CPA5: variants seen among roughly 807,000 people sequenced by gnomAD.
The protein encoded by CPA5 is carboxypeptidase A5, also known as testicular tissue protein Li 32.
CPA5 carries 38 observed loss-of-function variants against 52.2 expected under a neutral mutation model. That is an observed-to-expected ratio of 0.73 (90% CI 0.56 to 0.95). CPA5 has a LOEUF of 0.95. CPA5 is among the 40% of genes least tolerant of loss of function. The pLI, the probability that CPA5 is intolerant of heterozygous loss-of-function variation, is 0.00. For missense variants in CPA5, 519 were observed against 566.7 expected (o/e 0.92, Z 0.86); for synonymous variants, 198 against 213.7 (o/e 0.93, Z 0.64).
At chr7:130,367,822 C>T in intron 11 of CPA5, 84 bp from the exon 12 acceptor site, 1 of 1,199,680 alleles carries the variant, frequency 8.3e-7, no homozygotes, top group South Asian at 1.2e-5. Context: ...TAAATCCATG[C>T]TTCTCACCAG....
rs1795856119 is a variant in CPA5, at chr7:130,362,645, G to C, written c.636+106G>C. On this transcript the variant is annotated intron_variant, in intron 8 of 12. Transcript: ENST00000474905. Reference sequence around the variant, plus strand: ...TCAGTTCAACAGTTACACTCAGGGTGCTGTCTCCATCCCGCCCTTTGGAGC... The same window carrying C: ...TCAGTTCAACAGTTACACTCAGGGTCCTGTCTCCATCCCGCCCTTTGGAGC... 5 of 803,062 alleles carry C rather than the reference G, an allele frequency of 6.2e-6. No individual in the cohort carries two copies. In the South Asian group the frequency reaches 8.2e-5, roughly 13 times the overall value. 49.7% of individuals were successfully genotyped at this position (803,062 alleles called of 1,614,324 possible). A position where few individuals can be genotyped will look rare whatever the true frequency, so the allele number is the denominator to read the frequency against.
downstream of CPA5, among the ~76,000 whole-genome samples, chr7:130,372,009 G>C (rs771089652): frequency 6.6e-6 from 1 of 152,118 alleles, no homozygotes; most frequent in Non-Finnish European, 1.5e-5. Flanking sequence ...CCTGCCCAGC[G>C]GCTTTGTGTG....
intron 3 of CPA5, among the ~76,000 whole-genome samples, chr7:130,347,406 C>T (rs1794832872): frequency 6.6e-6 from 1 of 152,130 alleles, no homozygotes; most frequent in South Asian, 2.1e-4. Context: ...CTATTCCTTT[C>T]TCCCCTTCAT....
chr7:130,372,378 C>T (rs950341456), downstream of CPA5, among the ~76,000 whole-genome samples: 1 of 152,214 alleles, frequency 6.6e-6, no homozygotes, highest in Non-Finnish European at 1.5e-5. Context: ...GGCAGAAGTC[C>T]ACCTTACTGT....
intron 12 of CPA5, 34 bp downstream of exon 12, chr7:130,368,024 C>G (rs1796196078): frequency 6.3e-7 from 1 of 1,575,898 alleles, no homozygotes; most frequent in South Asian, 1.1e-5. Flanking sequence ...GCTTCAGACA[C>G]CACATCTACC....
rs1562946760 is a variant in CPA5, at chr7:130,347,790, C to T, written c.141C>T (p.Ala47=). The T allele has an allele frequency of 6.2e-7, 1 of 1,614,062 alleles. No homozygotes were observed. The highest frequency in any genetic ancestry group is 2.2e-5 in the East Asian group (1 of 44,872). ...FTGDQVLRVL[A]KDEKQLSLLG... is the part of the protein sequence containing the mutation. ...GGGACCAGGTTCTTCGAGTCCTGGC[C>T]AAAGATGAGAAGCAGCTTTCACTTC... The change falls in exon 4 of 13, where the codon GCC becomes GCT. Residue 47 remains alanine, a synonymous_variant. Coordinates refer to ENST00000474905, the MANE Select transcript of CPA5 (RefSeq NM_080385.5).
chr7:130,347,181 C>T (rs2117278505), intron 3 of CPA5, among the ~76,000 whole-genome samples: 1 of 152,330 alleles, frequency 6.6e-6, no homozygotes, highest in East Asian at 1.9e-4. Context: ...GCACCAACCC[C>T]ATCCCAGGTG....
intron 5 of CPA5, among the ~76,000 whole-genome samples, chr7:130,354,034 C>T (rs569804177): frequency 1.1e-4 from 17 of 150,778 alleles, no homozygotes; most frequent in African/African-American, 3.7e-4. Context: ...TCCATCCTCT[C>T]GCCTCAGCCT....
At chr7:130,361,353 T>G in intron 7 of CPA5, 109 bp downstream of exon 7, 3 of 747,950 alleles carry the variant, frequency 4.0e-6, no homozygotes, top group Non-Finnish European at 4.7e-6. Flanking sequence ...GAAGGACAAT[T>G]TGTCTACTCC....
At chr7:130,374,505 C>T in the CPA5 span, among the ~76,000 whole-genome samples, 1 of 152,206 alleles carries the variant, frequency 6.6e-6, no homozygotes, top group Non-Finnish European at 1.5e-5. Flanking sequence ...CTCAATTCCC[C>T]AAAGCATGGC....
At chr7:130,367,254 C>A (rs987449550) in intron 10 of CPA5, 118 bp from the exon 11 acceptor site, 2 of 823,766 alleles carry the variant, frequency 2.4e-6, no homozygotes, top group Non-Finnish European at 3.9e-6. Context: ...AGTCACATGA[C>A]CTCAGTCATA....
At chr7:130,365,019 C>T (rs1554407849) in intron 10 of CPA5, among the ~76,000 whole-genome samples, 2 of 152,232 alleles carry the variant, frequency 1.3e-5, no homozygotes, top group Non-Finnish European at 2.9e-5. Context: ...GGTGTCATTG[C>T]TGTTGATAAT....
chr7:130,374,227 C>T, the CPA5 span, among the ~76,000 whole-genome samples: 1 of 151,892 alleles, frequency 6.6e-6, no homozygotes, highest in African/African-American at 2.4e-5. Context: ...CGGCGTGGGA[C>T]AGGCCTGCCC....
Position 130,347,796 on chromosome 7 carries a change from T to C in CPA5, c.147T>C (p.Asp49=), listed in dbSNP as rs782158831. ...AGGTTCTTCGAGTCCTGGCCAAAGA[T>C]GAGAAGCAGCTTTCACTTCTCGGGG... ...GDQVLRVLAK[D]EKQLSLLGDL... is the part of the protein sequence containing the mutation. The change falls in exon 4 of 13, where the codon GAT becomes GAC. Residue 49 remains aspartate, a synonymous_variant. Coordinates refer to ENST00000474905, the MANE Select transcript of CPA5 (RefSeq NM_080385.5). 2 of 1,614,028 alleles carry C rather than the reference T, an allele frequency of 1.2e-6. No individual in the cohort carries two copies. Among genetic ancestry groups the C allele is most frequent in the Non-Finnish European group, 1.7e-6 (2 of 1,179,980 alleles).
intron 6 of CPA5, among the ~76,000 whole-genome samples, chr7:130,360,501 G>A (rs185127121): frequency 2.4e-4 from 37 of 152,374 alleles, no homozygotes; most frequent in Non-Finnish European, 4.6e-4. Flanking sequence ...CAAGGCACAC[G>A]TCTCATTTTG....
At chr7:130,354,764 G>A (rs2117358529) in intron 5 of CPA5, among the ~76,000 whole-genome samples, 1 of 151,752 alleles carries the variant, frequency 6.6e-6, no homozygotes, top group African/African-American at 2.4e-5. Flanking sequence ...TATTGCCCAG[G>A]GTGGAGTAAA....
Position 130,368,411 on chromosome 7 carries a change from T to C in CPA5, c.1125T>C (p.Tyr375=), listed in dbSNP as rs1554409205. ...ACATTTTGGAACTTTTGTTTCTAGATGTGGCCAGTGGGATCACCGTCGACT... is the reference window on the plus strand; with the variant it reads ...ACATTTTGGAACTTTTGTTTCTAGACGTGGCCAGTGGGATCACCGTCGACT... ...YIFGSISTTL[Y]VASGITVDWA... The change falls in exon 13 of 13, where the codon TAT becomes TAC. Residue 375 remains tyrosine (Y), a splice_region_variant and synonymous_variant. Coordinates refer to ENST00000474905, the MANE Select transcript of CPA5 (RefSeq NM_080385.5). The C allele has an allele frequency of 6.2e-7, 1 of 1,613,720 alleles. No homozygotes were observed. The highest frequency in any genetic ancestry group is 1.7e-5 in the Admixed American group (1 of 59,954).
chr7:130,354,512 G>A (rs1397834610), intron 5 of CPA5, among the ~76,000 whole-genome samples: 2 of 151,986 alleles, frequency 1.3e-5, no homozygotes, highest in Non-Finnish European at 2.9e-5. Context: ...TCATGCCTCA[G>A]CCTCCCGAGT....
chr7:130,350,981 G>T (rs1795101053), intron 5 of CPA5, among the ~76,000 whole-genome samples: 1 of 152,182 alleles, frequency 6.6e-6, no homozygotes, highest in South Asian at 2.1e-4. Context: ...CAACCTTGTT[G>T]TATGGCGCTA....
Sources: allele counts gnomAD v4.1 joint callset (sites outside exome capture counted in the v4.1 genomes callset), GRCh38; gene constraint gnomAD v4.1.1; transcripts MANE v1.5; gene names NCBI Gene and HGNC (gene_info 2026-07-23, HGNC 2026-07-21).